NOS1AP: variants seen among roughly 807,000 people sequenced by gnomAD.
The protein encoded by NOS1AP is carboxyl-terminal PDZ ligand of neuronal nitric oxide synthase protein.
NOS1AP carries 21 observed loss-of-function variants against 56.2 expected under a neutral mutation model. That is an observed-to-expected ratio of 0.37 (90% CI 0.26 to 0.54). The LOEUF is 0.54. Ranked by LOEUF, NOS1AP falls within the 20% of genes least tolerant of loss-of-function variation. NOS1AP has a pLI of 0.84. For missense variants in NOS1AP, 522 were observed against 657.8 expected (o/e 0.79, Z 2.26); for synonymous variants, 270 against 274.6 (o/e 0.98, Z 0.17).
intron 1 of NOS1AP, among the ~76,000 whole-genome samples, chr1:162,081,971 G>A (rs1385973430): frequency 6.6e-6 from 1 of 151,232 alleles, no homozygotes; most frequent in East Asian, 1.9e-4. Flanking sequence ...GGGCACATGT[G>A]CAGGTTTGTT....
chr1:162,288,628 C>T (rs552411759), intron 3 of NOS1AP, among the ~76,000 whole-genome samples: 1 of 152,288 alleles, frequency 6.6e-6, no homozygotes, highest in South Asian at 2.1e-4. Flanking sequence ...AGCCCCTTTC[C>T]TCTCTGGATG....
intron 2 of NOS1AP, among the ~76,000 whole-genome samples, chr1:162,186,567 G>C (rs1235011901): frequency 2.0e-5 from 3 of 152,154 alleles, no homozygotes; most frequent in African/African-American, 4.8e-5. Flanking sequence ...ATGATATCAA[G>C]AGGTGGTAAT....
chr1:162,191,295 C>T (rs563212657), intron 2 of NOS1AP, among the ~76,000 whole-genome samples: 2 of 152,322 alleles, frequency 1.3e-5, no homozygotes, highest in South Asian at 2.1e-4. Flanking sequence ...TCTTCCTGCC[C>T]TGGCCCCACT....
intron 8 of NOS1AP, among the ~76,000 whole-genome samples, chr1:162,359,715 T>C (rs1657825966): frequency 7.1e-6 from 1 of 140,246 alleles, no homozygotes; most frequent in African/African-American, 2.9e-5. Flanking sequence ...TTGGTTTCTC[T>C]ACGCGGGGGG....
chr1:162,333,147 A>C (rs367607835), intron 5 of NOS1AP, 22 bp downstream of exon 5: 1 of 1,535,850 alleles, frequency 6.5e-7, no homozygotes, highest in Non-Finnish European at 9.0e-7. Context: ...GTTGCCGTCC[A>C]TCTGCTATTT....
In NOS1AP at chr1:162,367,344, C is replaced by T. The variant is rs1204891620; in HGVS notation, c.1398C>T (p.Tyr466=). The T allele has an allele frequency of 2.5e-6, 4 of 1,612,858 alleles. No homozygotes were observed. The highest frequency in any genetic ancestry group is 2.7e-5 in the African/African-American group (2 of 74,938). Reference sequence around the variant, plus strand: ...GAGAGTCAGGCATCGCCTCGGAGTACGAGTCCAACACGGACGAGAGCGAGG... The same window carrying T: ...GAGAGTCAGGCATCGCCTCGGAGTATGAGTCCAACACGGACGAGAGCGAGG... ...KFRESGIASE[Y]ESNTDESEER... is the part of the protein sequence containing the mutation. Residue 466 remains tyrosine (Y), a synonymous_variant, in exon 10 of 10, where the codon TAC becomes TAT. Transcript: ENST00000361897. The surrounding 1 kb of genome is among the most constrained non-coding windows in gnomAD (Gnocchi z 6.5).
At chr1:162,204,988 C>T (rs985313826) in intron 2 of NOS1AP, among the ~76,000 whole-genome samples, 29 of 152,102 alleles carry the variant, frequency 1.9e-4, no homozygotes, top group African/African-American at 7.0e-4. Context: ...CTCTGCACAC[C>T]AGATATTCAT....
chr1:162,227,694 T>C (rs1260394159), intron 2 of NOS1AP, among the ~76,000 whole-genome samples: 1 of 152,212 alleles, frequency 6.6e-6, no homozygotes, highest in Non-Finnish European at 1.5e-5. Context: ...AAAAGCTTAC[T>C]TTGGAACCTT....
chr1:162,319,701 T>C (rs1451912872), intron 4 of NOS1AP, among the ~76,000 whole-genome samples: 1 of 152,120 alleles, frequency 6.6e-6, no homozygotes, highest in Admixed American at 6.5e-5. Context: ...CTGGCCTGTG[T>C]AGACCTGTCC....
intron 2 of NOS1AP, among the ~76,000 whole-genome samples, chr1:162,155,557 G>A (rs1415254654): frequency 6.6e-6 from 1 of 151,796 alleles, no homozygotes; most frequent in Non-Finnish European, 1.5e-5. Context: ...CGTAGGCTCC[G>A]GGAGTGTAAG....
chr1:162,286,169 G>A (rs1655083859), intron 2 of NOS1AP, among the ~76,000 whole-genome samples: 2 of 152,232 alleles, frequency 1.3e-5, no homozygotes, highest in African/African-American at 2.4e-5. Context: ...GATTTCCAAA[G>A]TAGGCTATGT....
At chr1:162,227,288 T>C (rs909206722) in intron 2 of NOS1AP, among the ~76,000 whole-genome samples, 4 of 152,206 alleles carry the variant, frequency 2.6e-5, no homozygotes, top group African/African-American at 7.2e-5. Context: ...CATATTAACA[T>C]TTCCTGGTGG....
intron 4 of NOS1AP, among the ~76,000 whole-genome samples, chr1:162,306,316 A>C (rs2101760854): frequency 6.6e-6 from 1 of 152,308 alleles, no homozygotes; most frequent in East Asian, 1.9e-4. Context: ...CAGGGCTAAT[A>C]GTCATGAAGG....
In NOS1AP at chr1:162,092,229, A is replaced by G. The variant is rs142742188; in HGVS notation, c.105+21947A>G. Among the ~76,000 whole-genome samples, 913 of 152,276 alleles carry G rather than the reference A, an allele frequency of 6.0e-3. 3 individuals carry two copies. Among genetic ancestry groups the G allele is most frequent in the Non-Finnish European group, 9.3e-3 (633 of 68,022 alleles). The stretch of plus-strand genomic sequence containing the variant: ...TTATAGAGTAAATTGAAGGGTATTC[A>G]TTCATTCTTTTGTTTTAGGAAGTTC... On this transcript the variant is annotated intron_variant, in intron 1 of 9. Coordinates refer to ENST00000361897, the MANE Select transcript of NOS1AP (RefSeq NM_014697.3).
chr1:162,265,352 A>G (rs1433614105), intron 2 of NOS1AP, among the ~76,000 whole-genome samples: 1 of 150,504 alleles, frequency 6.6e-6, no homozygotes, highest in African/African-American at 2.4e-5. Flanking sequence ...AGCATTAGGT[A>G]TATCTCCTAA....
intron 1 of NOS1AP, among the ~76,000 whole-genome samples, chr1:162,118,837 A>T (rs965697320): frequency 6.6e-6 from 1 of 151,906 alleles, no homozygotes; most frequent in Admixed American, 6.6e-5. Context: ...TCTCTTTTGG[A>T]CTCTGTGAGT....
chr1:162,154,370 C>G lies in NOS1AP; in HGVS notation c.106-35C>G, dbSNP rs765035531. 4 of 1,603,324 alleles carry G rather than the reference C, an allele frequency of 2.5e-6. No homozygotes were observed. In the African/African-American group the frequency reaches 5.4e-5, roughly 21 times the overall value. On this transcript the variant is annotated intron_variant, in intron 1 of 9. Transcript: ENST00000361897. Reference sequence around the variant, plus strand: ...TCTGGGATTAGGGACACTTGCTACCCCTCCTCTCAATGAGTGTTTGCTTCT... The same window carrying G: ...TCTGGGATTAGGGACACTTGCTACCGCTCCTCTCAATGAGTGTTTGCTTCT...
intron 2 of NOS1AP, among the ~76,000 whole-genome samples, chr1:162,280,594 A>C (rs573044975): frequency 6.6e-6 from 1 of 152,278 alleles, no homozygotes; most frequent in South Asian, 2.1e-4. Context: ...TCCAAATGGG[A>C]TTTAGAACTT....
At chr1:162,158,582 G>A (rs147954131) in intron 2 of NOS1AP, among the ~76,000 whole-genome samples, 130 of 152,254 alleles carry the variant, frequency 8.5e-4, no homozygotes, top group African/African-American at 2.9e-3. Flanking sequence ...TTTCCATAAT[G>A]ACTATCATTT....
Sources: gnomAD v4.1 joint callset for allele counts (sites outside exome capture counted in the v4.1 genomes callset) on GRCh38, gnomAD v4.1.1 for gene constraint, Gnocchi (gnomAD v3.1) non-coding constraint, MANE v1.5 for transcripts, NCBI Gene and HGNC (gene_info 2026-07-23, HGNC 2026-07-21) for gene names.